The following SLC35F5 variants were observed in gnomAD, a reference collection of about 807,000 sequenced individuals.
SLC35F5 encodes the protein HCV NS5A-transactivated protein 3.
A neutral mutation model predicts 68.6 loss-of-function variants in SLC35F5; 54 were observed. That is an observed-to-expected ratio of 0.79 (90% CI 0.63 to 0.99). The LOEUF (loss-of-function observed/expected upper bound fraction) is 0.99, where lower values mean the gene tolerates loss of function less well. Among genes scored for constraint, SLC35F5 ranks in the 50% least tolerant of loss-of-function variants. The probability of loss-of-function intolerance (pLI) is 0.00; values close to 1 mark genes in which losing one functional copy is unlikely to be tolerated. For missense variants in SLC35F5, 567 were observed against 626.9 expected (o/e 0.90, Z 1.02); for synonymous variants, 211 against 205.2 (o/e 1.03, Z -0.24).
intron 13 of SLC35F5, chr2:113,719,794 T>C (rs902138392): frequency 1.3e-5 from 2 of 151,976 alleles, no homozygotes; most frequent in African/African-American, 4.8e-5. Flanking sequence ...CAAAAACAAA[T>C]TAAGTGCAAA....
chr2:113,720,549 T>C (rs1343093841), intron 13 of SLC35F5, among the ~76,000 whole-genome samples: 5 of 152,146 alleles, frequency 3.3e-5, no homozygotes, highest in African/African-American at 9.7e-5. Flanking sequence ...TGAGTCAGCC[T>C]AAGAAGACCC....
intron 7 of SLC35F5, among the ~76,000 whole-genome samples, chr2:113,739,619 ATC>A (rs1253494427): frequency 4.6e-5 from 7 of 152,168 alleles, no homozygotes; most frequent in Admixed American, 6.5e-5. Flanking sequence ...ATTAGTTGGG[ATC>A]TCTGTTTGCT....
intron 3 of SLC35F5, among the ~76,000 whole-genome samples, chr2:113,752,820 T>C (rs1676798116): frequency 6.6e-6 from 1 of 152,162 alleles, no homozygotes; most frequent in Non-Finnish European, 1.5e-5. Context: ...ATAGACTGGA[T>C]ATCAGATGAT....
rs763809127 is a variant in SLC35F5 at position 113,755,492 on chromosome 2, G to C, written c.93C>G (p.Gly31=). 1 of 1,614,104 alleles carries C rather than the reference G, an allele frequency of 6.2e-7. No homozygotes were observed. Among genetic ancestry groups the C allele is most frequent in the South Asian group, 1.1e-5 (1 of 91,060 alleles). The part of the protein sequence containing the change: ...PFRLRSAKFS[G]IALEDLRRAL... ...CCCTTCTGAGATCCTCAAGAGCAAT[G>C]CCGGAAAACTTGGCAGATCTCAGTC... The change falls in exon 2 of 16, where the codon GGC becomes GGG. Residue 31 remains glycine (G), a synonymous_variant. Coordinates refer to ENST00000245680, the MANE Select transcript of SLC35F5 (RefSeq NM_025181.5).
chr2:113,726,771 T>C (rs1160852696), intron 11 of SLC35F5, among the ~76,000 whole-genome samples: 1 of 152,162 alleles, frequency 6.6e-6, no homozygotes, highest in Non-Finnish European at 1.5e-5. Context: ...GGCCCAGACA[T>C]ATTAGCTGCT....
At chr2:113,705,172 CTAT>C (rs1305341110), downstream of SLC35F5, 1 of 152,198 alleles carries the variant, frequency 6.6e-6, no homozygotes, top group Non-Finnish European at 1.5e-5. Flanking sequence ...GAAAGGGGCA[CTAT>C]TCATGATTGT....
At chr2:113,731,732 A>G (rs1687903985) in intron 9 of SLC35F5, 84 bp from the exon 10 acceptor site, 1 of 1,058,512 alleles carries the variant, frequency 9.4e-7, no homozygotes, top group Non-Finnish European at 1.4e-6. Context: ...ATAAGTGATC[A>G]AGACTAATCT....
chr2:113,752,217 C>CA (rs11386050), intron 3 of SLC35F5, among the ~76,000 whole-genome samples: 62,421 of 112,766 alleles, frequency 0.55, 15,236 homozygotes, highest in Middle Eastern at 0.69. Context: ...TGTCCCATCT[C>CA]AAAAAAAAAA....
Position 113,725,515 on chromosome 2 carries a change from C to T in SLC35F5, c.1113G>A (p.Leu371=). The part of the protein sequence containing the change: ...MFFGFVGLFN[L]LLLWPGFFLL... ...AAAAGAAACCTGGCCATAAGAGCAG[C>T]AGATTAAACAAACCTACAAAACCTG... Residue 371 remains leucine (L), a synonymous_variant, in exon 12 of 16, where the codon CTG becomes CTA. Transcript: ENST00000245680. The T allele has an allele frequency of 1.3e-6, 2 of 1,584,218 alleles. No individual in the cohort carries two copies. Among genetic ancestry groups the T allele is most frequent in the South Asian group, 2.3e-5 (2 of 85,282 alleles).
At chr2:113,753,935 AG>A (rs1246098125) in intron 3 of SLC35F5, among the ~76,000 whole-genome samples, 1 of 152,226 alleles carries the variant, frequency 6.6e-6, no homozygotes, top group Admixed American at 6.5e-5. Context: ...GTTAGAGAAG[AG>A]TTTTAAAGCA....
At chr2:113,703,137 A>G (rs1265802062), downstream of SLC35F5, among the ~76,000 whole-genome samples, 1 of 151,888 alleles carries the variant, frequency 6.6e-6, no homozygotes, top group Non-Finnish European at 1.5e-5. Context: ...AAAATAAAGT[A>G]TAACTCAAAG....
intron 5 of SLC35F5, among the ~76,000 whole-genome samples, chr2:113,744,717 C>G (rs1020620631): frequency 6.6e-6 from 1 of 152,122 alleles, no homozygotes; most frequent in Admixed American, 6.6e-5. Flanking sequence ...TGCGCCACTG[C>G]ACTCCAGCTT....
At chr2:113,747,291 A>G (rs1296567553) in intron 4 of SLC35F5, among the ~76,000 whole-genome samples, 1 of 151,944 alleles carries the variant, frequency 6.6e-6, no homozygotes, top group Non-Finnish European at 1.5e-5. Context: ...CGTCTCAAAA[A>G]AAAAAAAACC....
rs574808232 is a variant in SLC35F5, at chr2:113,715,664, A to T, written c.*23-469T>A. Among the ~76,000 whole-genome samples the T allele has an allele frequency of 1.2e-4, 18 of 152,316 alleles. No individual in the cohort carries two copies. In the South Asian group the frequency reaches 3.3e-3, roughly 28 times the overall value. On this transcript the variant is annotated intron_variant, in intron 15 of 15. Coordinates refer to ENST00000245680, the MANE Select transcript of SLC35F5 (RefSeq NM_025181.5). ...TTACAGCATTAAAAAGCTTTCAAGA[A>T]TACAAAGTCCTCACTTAATGTCATA...
intron 7 of SLC35F5, among the ~76,000 whole-genome samples, chr2:113,737,857 C>T (rs1480139903): frequency 2.6e-5 from 4 of 152,114 alleles, no homozygotes; most frequent in East Asian, 1.9e-4. Flanking sequence ...GTCCATACAA[C>T]GTCTCCCTTC....
At chr2:113,736,640 A>G (rs982759369) in intron 7 of SLC35F5, among the ~76,000 whole-genome samples, 1 of 152,166 alleles carries the variant, frequency 6.6e-6, no homozygotes, top group African/African-American at 2.4e-5. Context: ...AAAAGGCTAT[A>G]TTCACTTTGG....
At chr2:113,727,051 A>T (rs1186638927) in intron 11 of SLC35F5, among the ~76,000 whole-genome samples, 1 of 152,152 alleles carries the variant, frequency 6.6e-6, no homozygotes, top group Non-Finnish European at 1.5e-5. Context: ...CCTGGTGGGA[A>T]GTGACTGGAT....
At chr2:113,734,341 GTC>G (rs1047505670) in intron 9 of SLC35F5, among the ~76,000 whole-genome samples, 30 of 152,216 alleles carry the variant, frequency 2.0e-4, no homozygotes, top group African/African-American at 7.2e-4. Flanking sequence ...TACTTGATGA[GTC>G]TGCAGACACA....
At position 113,711,662 on chromosome 2, in the gene SLC35F5, C is replaced by A. The variant is rs1686988915; in HGVS notation, c.*3556G>T. On this transcript the variant is annotated 3_prime_UTR_variant, in exon 16 of 16. Coordinates refer to ENST00000245680, the MANE Select transcript of SLC35F5 (RefSeq NM_025181.5). ...TGAACATCTCATTAATGCCACTTCA[C>A]CATTTAAAAAAGTCAGCACACAATG... is the stretch of plus-strand genomic sequence containing the variant. Among the ~76,000 whole-genome samples the A allele has an allele frequency of 6.6e-6, 1 of 152,090 alleles. No homozygotes were observed. The highest frequency in any genetic ancestry group is 1.5e-5 in the Non-Finnish European group (1 of 68,030).
Sources: gnomAD v4.1 joint callset for allele counts (sites outside exome capture counted in the v4.1 genomes callset) on GRCh38, gnomAD v4.1.1 for gene constraint, MANE v1.5 for transcripts, NCBI Gene and HGNC (gene_info 2026-07-23, HGNC 2026-07-21) for gene names.